C16orf78: variants seen among roughly 807,000 people sequenced by gnomAD.
The protein encoded by C16orf78 is chromosome 16 open reading frame 78.
C16orf78 carries 19 observed loss-of-function variants against 27.3 expected under a neutral mutation model. That is an observed-to-expected ratio of 0.70 (90% CI 0.49 to 1.02). The LOEUF (loss-of-function observed/expected upper bound fraction) is 1.02, where lower values mean the gene tolerates loss of function less well. Among genes scored for constraint, C16orf78 ranks in the 50% least tolerant of loss-of-function variants. C16orf78 has a pLI of 0.00. For synonymous variants in C16orf78, 130 were observed against 116.1 expected, an observed-to-expected ratio of 1.12 and a Z score of -0.77; for missense variants, 339 against 337.0, an observed-to-expected ratio of 1.01 and a Z score of -0.05.
chr16:49,376,977 T>C (rs1353901631), intron 1 of C16orf78, among the ~76,000 whole-genome samples: 1 of 151,952 alleles, frequency 6.6e-6, no homozygotes, highest in Non-Finnish European at 1.5e-5. Context: ...GCCATGATGC[T>C]CTGGCACCCA....
chr16:49,382,116 G>A (rs553723757), intron 3 of C16orf78, among the ~76,000 whole-genome samples: 48 of 152,302 alleles, frequency 3.2e-4, no homozygotes, highest in Non-Finnish European at 4.3e-4. Context: ...CCTTTCTAGG[G>A]ACATGGATGA....
chr16:49,394,106 C>A (rs535242728), intron 3 of C16orf78, among the ~76,000 whole-genome samples: 1 of 152,028 alleles, frequency 6.6e-6, no homozygotes, highest in Non-Finnish European at 1.5e-5. Flanking sequence ...GGCACTAAGA[C>A]AAATGGTTTC....
At chr16:49,397,282 C>A (rs867778303) in intron 4 of C16orf78, among the ~76,000 whole-genome samples, 1 of 152,180 alleles carries the variant, frequency 6.6e-6, no homozygotes. Context: ...CAGTGTTTTC[C>A]TTTACTGTAA....
intron 3 of C16orf78, among the ~76,000 whole-genome samples, chr16:49,390,340 C>G (rs185246704): frequency 6.6e-6 from 1 of 152,194 alleles, no homozygotes; most frequent in African/African-American, 2.4e-5. Context: ...ATTCTCTCCC[C>G]TCTCTTTCAG....
chr16:49,381,055 G>T (rs1255809126), intron 3 of C16orf78, among the ~76,000 whole-genome samples: 1 of 151,936 alleles, frequency 6.6e-6, no homozygotes, highest in African/African-American at 2.4e-5. Flanking sequence ...ATAGTTTGAA[G>T]TCAGGTAGTG....
In C16orf78 at chr16:49,391,818, C is replaced by T. The variant is rs148368252; in HGVS notation, c.395-4605C>T. On this transcript the variant is annotated intron_variant, in intron 3 of 4. Transcript: ENST00000299191. Reference sequence around the variant, plus strand: ...TCAGATATTTCAGGAAAGGTGATTGCCCTTTCTCCAAGGAATTTCCTTATT... The same window carrying T: ...TCAGATATTTCAGGAAAGGTGATTGTCCTTTCTCCAAGGAATTTCCTTATT... 5.9e-5 allele frequency among the ~76,000 whole-genome samples: 9 copies of T among 152,294 alleles called. No individual in the cohort carries two copies. The East Asian group carries it at 1.7e-3, about 29-fold the overall frequency.
chr16:49,376,171 C>T lies in C16orf78; in HGVS notation c.151-1560C>T, dbSNP rs58023636. Among the ~76,000 whole-genome samples the T allele has an allele frequency of 5.9e-3, 891 of 152,290 alleles. 10 individuals are homozygous for T. Among genetic ancestry groups the T allele is most frequent in the African/African-American group, 0.021 (855 of 41,552 alleles). On this transcript the variant is annotated intron_variant, in intron 1 of 4. Transcript: ENST00000299191. The stretch of plus-strand genomic sequence containing the variant: ...GGGGTCTATCTTCACCACTCAGGGC[C>T]CTCTGTGACCTCCTCTGTTCTCTCC...
At chr16:49,389,969 T>C (rs1965393914) in intron 3 of C16orf78, among the ~76,000 whole-genome samples, 1 of 152,218 alleles carries the variant, frequency 6.6e-6, no homozygotes, top group South Asian at 2.1e-4. Flanking sequence ...CATATAGCTT[T>C]TGTATATCCA....
At chr16:49,388,958 T>C (rs1459459080) in intron 3 of C16orf78, among the ~76,000 whole-genome samples, 4 of 152,202 alleles carry the variant, frequency 2.6e-5, no homozygotes, top group Non-Finnish European at 5.9e-5. Context: ...ATCAATAACA[T>C]GAGAAAAATT....
intron 1 of C16orf78, among the ~76,000 whole-genome samples, chr16:49,375,176 A>G (rs867371779): frequency 6.6e-6 from 1 of 152,144 alleles, no homozygotes; most frequent in African/African-American, 2.4e-5. Context: ...GCTCAAACTG[A>G]GGTTTTCCAA....
intron 3 of C16orf78, among the ~76,000 whole-genome samples, chr16:49,393,805 T>C (rs1328391778): frequency 6.6e-6 from 1 of 152,036 alleles, no homozygotes; most frequent in Non-Finnish European, 1.5e-5. Context: ...AAGCTAGCTT[T>C]TTGAAAAAGC....
At chr16:49,375,646 A>G (rs1318838988) in intron 1 of C16orf78, among the ~76,000 whole-genome samples, 1 of 152,204 alleles carries the variant, frequency 6.6e-6, no homozygotes, top group East Asian at 1.9e-4. Flanking sequence ...ACTTGACATG[A>G]GATTTGGGGA....
In C16orf78 at chr16:49,389,451, C is replaced by T. The variant is rs376027112; in HGVS notation, c.395-6972C>T. On this transcript the variant is annotated intron_variant, in intron 3 of 4. Transcript: ENST00000299191. ...AAAAAAAAAAAAATACAAAAATTAG[C>T]CAAGCGTGGTGACACACACCTGTAA... Among the ~76,000 whole-genome samples, 6 of 151,304 alleles carry T rather than the reference C, an allele frequency of 4.0e-5. No individual in the cohort carries two copies. In the East Asian group the frequency reaches 1.2e-3, roughly 29 times the overall value.
intron 3 of C16orf78, among the ~76,000 whole-genome samples, chr16:49,379,662 T>C (rs1435834683): frequency 6.6e-6 from 1 of 152,176 alleles, no homozygotes; most frequent in Non-Finnish European, 1.5e-5. Context: ...GAAAAAGTTC[T>C]ATAATATACA....
chr16:49,377,958 T>A, intron 2 of C16orf78, 108 bp downstream of exon 2: 1 of 1,401,738 alleles, frequency 7.1e-7, no homozygotes. Flanking sequence ...ATTTCAAGGC[T>A]CCGAAATTCA....
chr16:49,392,762 T>G (rs543891789), intron 3 of C16orf78, among the ~76,000 whole-genome samples: 6 of 152,320 alleles, frequency 3.9e-5, no homozygotes, highest in Admixed American at 2.0e-4. Context: ...TCTGTGTCGC[T>G]GATGCCTGGT....
chr16:49,378,733 C>A, intron 3 of C16orf78, 140 bp downstream of exon 3: 4 of 1,317,730 alleles, frequency 3.0e-6, no homozygotes, highest in Non-Finnish European at 4.1e-6. Context: ...AGTCAGAAGC[C>A]CACATGGAGG....
chr16:49,378,484 A>G lies in C16orf78; in HGVS notation c.285A>G (p.Arg95=). 6.3e-7 allele frequency: 1 copy of G among 1,586,878 alleles called. No homozygotes were observed. Among genetic ancestry groups the G allele is most frequent in the African/African-American group, 1.3e-5 (1 of 74,706 alleles). The change falls in exon 3 of 5, where the codon AGA becomes AGG. Residue 95 remains arginine, a synonymous_variant. Transcript: ENST00000299191. ...CTCCCTCCAAGGCCTTAGGAAAGAG[A>G]TTCAGGAAGGACGCCGCCTCCTACC... ...TETSQQALGK[R]FRKDAASYRS...
chr16:49,392,164 A>G (rs762372997), intron 3 of C16orf78, among the ~76,000 whole-genome samples: 1 of 152,174 alleles, frequency 6.6e-6, no homozygotes, highest in Non-Finnish European at 1.5e-5. Context: ...CAGACAGAAT[A>G]ATTTACTTAC....
Sources: gnomAD v4.1 joint callset for allele counts (sites outside exome capture counted in the v4.1 genomes callset) on GRCh38, gnomAD v4.1.1 for gene constraint, MANE v1.5 for transcripts, NCBI Gene and HGNC (gene_info 2026-07-23, HGNC 2026-07-21) for gene names.